Variants in TACC1 observed in about 807,000 individuals in gnomAD.
The protein encoded by TACC1 is transforming acidic coiled-coil-containing protein 1.
TACC1 carries 48 observed loss-of-function variants against 84.4 expected under a neutral mutation model. The observed-to-expected ratio is 0.57, with a 90% CI of 0.45 to 0.72. The LOEUF (loss-of-function observed/expected upper bound fraction) is 0.72. Ranked by LOEUF, TACC1 falls within the 30% of genes least tolerant of loss-of-function variation. The pLI, the probability that TACC1 is intolerant of heterozygous loss-of-function variation, is 0.00. For synonymous variants in TACC1, 372 were observed against 376.3 expected (o/e 0.99, Z 0.13); for missense variants, 920 against 973.0 (o/e 0.95, Z 0.72).
chr8:38,820,316 A>G lies in TACC1; in HGVS notation c.1072A>G (p.Ile358Val), dbSNP rs755370099. ...GACTCCCAAGATACAAAAAGATGGC[A>G]TCAGTAAGTCAGCAGGTTTAGAACA... ...TLTPKIQKDG[I>V]SKSAGLEQPT... The change falls in exon 3 of 13, where the codon ATC becomes GTC. Residue 358 changes from isoleucine (I) to valine (V), a missense_variant. This residue lies in a region of TACC1 where 762 missense variants were observed against 747.3 expected (regional missense o/e 1.02). Transcript: ENST00000317827. 8 of 1,614,220 alleles carry G rather than the reference A, an allele frequency of 5.0e-6. No individual in the cohort carries two copies. The highest frequency in any genetic ancestry group is 4.4e-5 in the South Asian group (4 of 91,080).
intron 1 of TACC1, among the ~76,000 whole-genome samples, chr8:38,729,927 G>C (rs1265554771): frequency 6.6e-6 from 1 of 152,192 alleles, no homozygotes; most frequent in African/African-American, 2.4e-5. Context: ...TTGCTCCTTG[G>C]AAGGGATGCA....
At chr8:38,770,280 T>G (rs1383296375) in intron 3 of TACC1, among the ~76,000 whole-genome samples, 7 of 152,098 alleles carry the variant, frequency 4.6e-5, no homozygotes, top group Non-Finnish European at 1.0e-4. Flanking sequence ...AGAGGGGTTT[T>G]GATGCCGCAT....
rs377166690 is a variant in TACC1 at position 38,830,582 on chromosome 8, T to G, written c.1661-543T>G. ...GTGCCCAGCCATCTTCTGGTTATTT[T>G]AAATGTCATCCTCTACCCTAGTAGA... is the stretch of plus-strand genomic sequence containing the variant. On this transcript the variant is annotated intron_variant, in intron 5 of 12. Transcript: ENST00000317827. Among the ~76,000 whole-genome samples, 21 of 152,364 alleles carry G rather than the reference T, an allele frequency of 1.4e-4. No homozygotes were observed. The East Asian group carries it at 4.0e-3, about 29-fold the overall frequency.
intron 2 of TACC1, among the ~76,000 whole-genome samples, chr8:38,810,793 A>G (rs1005172982): frequency 3.3e-5 from 5 of 152,102 alleles, no homozygotes; most frequent in Admixed American, 1.3e-4. Flanking sequence ...CTCTGAACAT[A>G]CTTCTACTTA....
chr8:38,832,322 A>AACGTGGAAAAGAGAGTGGAAAGG (rs1829428674), intron 6 of TACC1, among the ~76,000 whole-genome samples: 1 of 152,260 alleles, frequency 6.6e-6, no homozygotes, highest in African/African-American at 2.4e-5. Flanking sequence ...AACACGTGGA[A>AACGTGGAAAAGAGAGTGGAAAGG]AAGAGAGTGG....
intron 9 of TACC1, 30 bp from the exon 10 acceptor site, chr8:38,842,257 A>G (rs1385958289): frequency 1.2e-6 from 2 of 1,600,158 alleles, no homozygotes; most frequent in East Asian, 2.2e-5. Flanking sequence ...TTGAATAAAT[A>G]TGTCATTCCT....
chr8:38,759,144 G>A (rs576386559), intron 3 of TACC1, among the ~76,000 whole-genome samples: 65 of 152,294 alleles, frequency 4.3e-4, no homozygotes, highest in African/African-American at 1.4e-3. Flanking sequence ...AAAGAGCCAT[G>A]GGTTGAATTT....
chr8:38,809,446 C>A (rs1389539045), intron 2 of TACC1, among the ~76,000 whole-genome samples: 1 of 152,128 alleles, frequency 6.6e-6, no homozygotes, highest in African/African-American at 2.4e-5. Flanking sequence ...CCTCCCCCTT[C>A]CCTAGCTCTT....
chr8:38,787,209 A>G, upstream of TACC1: 7 of 991,636 alleles, frequency 7.1e-6, no homozygotes, highest in Non-Finnish European at 8.4e-6. Flanking sequence ...GCGGCAGCTG[A>G]TGCGCGCCCC....
chr8:38,805,778 G>A (rs1234109834), intron 2 of TACC1: 2 of 152,238 alleles, frequency 1.3e-5, no homozygotes, highest in Non-Finnish European at 2.9e-5. Context: ...GAATTACAGA[G>A]TGCCGACATT....
chr8:38,798,608 T>C (rs937658656), intron 2 of TACC1, among the ~76,000 whole-genome samples: 30 of 112,942 alleles, frequency 2.7e-4, no homozygotes, highest in African/African-American at 8.8e-4. Flanking sequence ...GGGTTCTGCG[T>C]GTGTGTGTGT....
chr8:38,830,219 C>T (rs911394005), intron 5 of TACC1, among the ~76,000 whole-genome samples: 1 of 152,112 alleles, frequency 6.6e-6, no homozygotes, highest in Admixed American at 6.6e-5. Flanking sequence ...CTTTTGTATG[C>T]TTTTCTGTAT....
At chr8:38,755,565 G>A (rs1301653894) in intron 3 of TACC1, among the ~76,000 whole-genome samples, 1 of 151,904 alleles carries the variant, frequency 6.6e-6, no homozygotes, top group Non-Finnish European at 1.5e-5. Flanking sequence ...TTAGCTGGGT[G>A]TGGTGGCATT....
Position 38,787,698 on chromosome 8 carries a change from C to T in TACC1, c.116C>T (p.Pro39Leu). ...GAGGCTGGCGGGCCCGAGGGCGACC[C>T]CGAGGAGGAGGATTCGCAAGCCGAG... The part of the protein sequence containing the change: ...EDEAGGPEGD[P>L]EEEDSQAETK... The change falls in exon 1 of 13, where the codon CCC (proline) becomes CTC (leucine). Residue 39 changes from proline to leucine, a missense_variant. By Grantham distance (98) the Pro-to-Leu change is moderately conservative. Coordinates refer to ENST00000317827, the MANE Select transcript of TACC1 (RefSeq NM_006283.3). The T allele has an allele frequency of 6.5e-7, 1 of 1,538,622 alleles. No individual in the cohort carries two copies. Among genetic ancestry groups the T allele is most frequent in the South Asian group, 1.2e-5 (1 of 84,152 alleles).
intron 1 of TACC1, among the ~76,000 whole-genome samples, chr8:38,731,021 G>A (rs1296337353): frequency 1.3e-5 from 2 of 152,006 alleles, no homozygotes; most frequent in Non-Finnish European, 2.9e-5. Flanking sequence ...TCAACCTCCT[G>A]GGCTCAAGTG....
intron 2 of TACC1, among the ~76,000 whole-genome samples, chr8:38,799,300 C>T (rs565151485): frequency 3.9e-5 from 6 of 152,308 alleles, no homozygotes; most frequent in Admixed American, 6.5e-5. Flanking sequence ...TCTCAGTATG[C>T]GACAGATGAG....
chr8:38,819,720 C>T lies in TACC1; in HGVS notation c.476C>T (p.Ser159Phe), dbSNP rs1265813513. The change falls in exon 3 of 13, where the codon TCC becomes TTC. Residue 159 changes from serine (S) to phenylalanine (F), a missense_variant. Coordinates refer to ENST00000317827, the MANE Select transcript of TACC1 (RefSeq NM_006283.3). ...VRPFSIETKD[S>F]TDISAVLGTK... ...CCATTTTCAATAGAAACGAAGGATT[C>T]CACGGATATCTCGGCAGTCCTCGGA... 1.2e-6 allele frequency: 2 copies of T among 1,614,016 alleles called. No individual in the cohort carries two copies. Among genetic ancestry groups the T allele is most frequent in the East Asian group, 2.2e-5 (1 of 44,898 alleles).
At chr8:38,759,159 G>T (rs889404675) in intron 3 of TACC1, among the ~76,000 whole-genome samples, 4 of 152,182 alleles carry the variant, frequency 2.6e-5, no homozygotes, top group Non-Finnish European at 5.9e-5. Flanking sequence ...GAATTTCTAG[G>T]TGCTGCTCCT....
intron 11 of TACC1, among the ~76,000 whole-genome samples, chr8:38,844,313 C>G (rs759524364): frequency 6.6e-6 from 1 of 152,022 alleles, no homozygotes; most frequent in Non-Finnish European, 1.5e-5. Flanking sequence ...GCTTGGATTA[C>G]AGGCACACGC....
Sources: gnomAD v4.1 joint callset for allele counts (sites outside exome capture counted in the v4.1 genomes callset) on GRCh38, gnomAD v4.1.1 for gene constraint, gnomAD v4.1.1 regional missense constraint, MANE v1.5 for transcripts, NCBI Gene and HGNC (gene_info 2026-07-23, HGNC 2026-07-21) for gene names.